CTNNA2: variants seen among roughly 807,000 people sequenced by gnomAD.
The protein encoded by CTNNA2 is catenin alpha 2.
A neutral mutation model predicts 101.0 loss-of-function variants in CTNNA2; 42 were observed. The ratio of observed to expected loss-of-function variants is 0.42; its 90% CI spans 0.32 to 0.54. The LOEUF (loss-of-function observed/expected upper bound fraction) is 0.54, where lower values mean the gene tolerates loss of function less well. CTNNA2 is among the 20% of genes least tolerant of loss of function. CTNNA2 has a pLI of 0.14. For missense variants in CTNNA2, 871 were observed against 1,223.1 expected, an observed-to-expected ratio of 0.71 and a Z score of 4.29; for synonymous variants, 450 against 456.4, an observed-to-expected ratio of 0.99 and a Z score of 0.18.
At chr2:79,978,994 G>T (rs1356663468) in intron 7 of CTNNA2, among the ~76,000 whole-genome samples, 2 of 152,118 alleles carry the variant, frequency 1.3e-5, no homozygotes, top group African/African-American at 4.8e-5. Flanking sequence ...AAGTTCATCA[G>T]ATTTTAATTC....
chr2:79,742,159 CTG>C (rs1319440062), intron 2 of CTNNA2, among the ~76,000 whole-genome samples: 1 of 152,204 alleles, frequency 6.6e-6, no homozygotes, highest in Non-Finnish European at 1.5e-5. Flanking sequence ...ATCACCAAAA[CTG>C]TGCCTAATGC....
intron 7 of CTNNA2, among the ~76,000 whole-genome samples, chr2:79,915,235 G>T (rs1426906273): frequency 6.6e-6 from 1 of 151,796 alleles, no homozygotes; most frequent in Admixed American, 6.6e-5. Context: ...CAAAATAACT[G>T]CTAATAATTT....
At position 79,671,988 on chromosome 2, in the gene CTNNA2, A is replaced by G. The variant is rs150659796; in HGVS notation, c.102+20330A>G. Reference sequence around the variant, plus strand: ...TTTACAGCTCAAATGAGCAAATTCAATTTTCTTTACATACACACTTTATAA... The same window carrying G: ...TTTACAGCTCAAATGAGCAAATTCAGTTTTCTTTACATACACACTTTATAA... On this transcript the variant is annotated intron_variant, in intron 2 of 18. Coordinates refer to ENST00000402739, the MANE Select transcript of CTNNA2 (RefSeq NM_001282597.3). Among the ~76,000 whole-genome samples, 140 of 152,258 alleles carry G rather than the reference A, an allele frequency of 9.2e-4. No individual in the cohort carries two copies. In the Middle Eastern group the frequency reaches 0.017, roughly 18 times the overall value.
intron 3 of CTNNA2, among the ~76,000 whole-genome samples, chr2:79,750,329 C>T (rs114683408): frequency 0.016 from 2,387 of 152,278 alleles, 57 homozygotes; most frequent in African/African-American, 0.054. Context: ...GTCCAGGCCT[C>T]ACCCCTCTTC....
At chr2:79,587,637 C>T (rs1558751784) in intron 1 of CTNNA2, among the ~76,000 whole-genome samples, 1 of 152,148 alleles carries the variant, frequency 6.6e-6, no homozygotes, top group Admixed American at 6.5e-5. Flanking sequence ...TGCTCTGGTC[C>T]TCATTTTATG....
At chr2:80,231,597 C>T (rs1433667423) in intron 7 of CTNNA2, among the ~76,000 whole-genome samples, 1 of 152,096 alleles carries the variant, frequency 6.6e-6, no homozygotes, top group Non-Finnish European at 1.5e-5. Flanking sequence ...TTATACTTTC[C>T]TCCTCTTGGA....
intron 4 of CTNNA2, among the ~76,000 whole-genome samples, chr2:79,448,880 G>T (rs1678860054): frequency 6.6e-6 from 1 of 152,038 alleles, no homozygotes; most frequent in Admixed American, 6.6e-5. Flanking sequence ...TTTGAAAATT[G>T]TTGAAATGGA....
At chr2:80,599,922 CA>C (rs1697334236) in intron 15 of CTNNA2, among the ~76,000 whole-genome samples, 1 of 121,894 alleles carries the variant, frequency 8.2e-6, no homozygotes, top group Admixed American at 9.8e-5. Flanking sequence ...TATCCCTCCC[CA>C]CTCCCCCCAC....
At chr2:79,305,970 C>T (rs1480397251) in intron 2 of CTNNA2, among the ~76,000 whole-genome samples, 5 of 147,666 alleles carry the variant, frequency 3.4e-5, no homozygotes, top group Admixed American at 6.9e-5. Flanking sequence ...GGCGTGAACC[C>T]GGGAGGCAGA....
At chr2:79,649,911 C>T (rs190289400) in intron 1 of CTNNA2, among the ~76,000 whole-genome samples, 2 of 152,060 alleles carry the variant, frequency 1.3e-5, no homozygotes, top group East Asian at 3.9e-4. Flanking sequence ...TCTACTAGTG[C>T]CTATTGTGAT....
In CTNNA2 at chr2:80,647,873, G is replaced by A; in HGVS notation, c.*1G>A. 1 of 1,568,328 alleles carries A rather than the reference G, an allele frequency of 6.4e-7. No individual in the cohort carries two copies. Among genetic ancestry groups the A allele is most frequent in the Non-Finnish European group, 8.6e-7 (1 of 1,158,068 alleles). On this transcript the variant is annotated 3_prime_UTR_variant, in exon 19 of 19. Transcript: ENST00000402739. ...ATTCAAAGCAATGGATTCCTTCTAG[G>A]ACGATAGGTTTTAACAAGAAAGCTT... is the stretch of plus-strand genomic sequence containing the variant.
At chr2:80,576,270 G>A (rs1230517227) in intron 13 of CTNNA2, 1 of 151,960 alleles carries the variant, frequency 6.6e-6, no homozygotes, top group Non-Finnish European at 1.5e-5. Flanking sequence ...CCAGCTCCAG[G>A]CAACCCTCTG....
intron 7 of CTNNA2, among the ~76,000 whole-genome samples, chr2:80,239,621 A>G (rs908046999): frequency 3.9e-5 from 6 of 152,128 alleles, no homozygotes; most frequent in African/African-American, 1.4e-4. Flanking sequence ...AATAAAATAG[A>G]ATAGTTATGG....
At chr2:79,460,824 T>C (rs1441511005) in intron 4 of CTNNA2, among the ~76,000 whole-genome samples, 1 of 145,764 alleles carries the variant, frequency 6.9e-6, no homozygotes, top group South Asian at 2.1e-4. Flanking sequence ...CTTTGCCCCA[T>C]GGCCCATTAA....
chr2:80,352,918 A>T (rs1377787040), intron 7 of CTNNA2, among the ~76,000 whole-genome samples: 1 of 131,992 alleles, frequency 7.6e-6, no homozygotes, highest in East Asian at 2.1e-4. Flanking sequence ...AGGTTACTTT[A>T]AAAAAAAAAA....
intron 7 of CTNNA2, among the ~76,000 whole-genome samples, chr2:80,187,294 G>A (rs1422736704): frequency 6.6e-6 from 1 of 152,194 alleles, no homozygotes; most frequent in Admixed American, 6.5e-5. Context: ...TCTGAAAAGT[G>A]CCAGAAAATG....
chr2:79,657,737 A>T (rs1681717827), intron 2 of CTNNA2, among the ~76,000 whole-genome samples: 2 of 150,908 alleles, frequency 1.3e-5, no homozygotes, highest in Admixed American at 1.3e-4. Context: ...AGATCAGCAT[A>T]AGTGTGAAAA....
chr2:80,620,407 T>C (rs1327191952), intron 18 of CTNNA2, among the ~76,000 whole-genome samples: 3 of 151,890 alleles, frequency 2.0e-5, no homozygotes. Context: ...TTATACACTT[T>C]TATATTTAAA....
At chr2:79,874,958 G>A (rs1346042910) in intron 6 of CTNNA2, among the ~76,000 whole-genome samples, 1 of 152,176 alleles carries the variant, frequency 6.6e-6, no homozygotes, top group African/African-American at 2.4e-5. Flanking sequence ...CTAGATGTAC[G>A]TTGCCTCTAT....
Sources: gnomAD v4.1 joint callset for allele counts (sites outside exome capture counted in the v4.1 genomes callset) on GRCh38, gnomAD v4.1.1 for gene constraint, MANE v1.5 for transcripts, NCBI Gene and HGNC (gene_info 2026-07-23, HGNC 2026-07-21) for gene names.